The following NPEPPS variants were observed in gnomAD, a reference collection of about 807,000 sequenced individuals.
NPEPPS encodes puromycin-sensitive aminopeptidase.
Under a neutral mutation model 115.5 loss-of-function variants are expected in NPEPPS, and 14 were observed. That is an observed-to-expected ratio of 0.12 (90% CI 0.08 to 0.19). The LOEUF (loss-of-function observed/expected upper bound fraction) is 0.19. Ranked by LOEUF, NPEPPS falls within the 10% of genes least tolerant of loss-of-function variation. The pLI is 1.00. For missense variants in NPEPPS, 523 were observed against 1,110.8 expected, an observed-to-expected ratio of 0.47 and a Z score of 7.52; for synonymous variants, 285 against 390.6, an observed-to-expected ratio of 0.73 and a Z score of 3.19.
intron 2 of NPEPPS, among the ~76,000 whole-genome samples, chr17:47,552,712 T>C: frequency 6.6e-6 from 1 of 152,232 alleles, no homozygotes; most frequent in East Asian, 1.9e-4. Context: ...TTGCTGACTA[T>C]AGAGGGAACG....
At position 47,543,222 on chromosome 17, in the gene NPEPPS, A is replaced by G. The variant is rs762483781; in HGVS notation, c.256-2687A>G. ...ACAGTGGAAAAACTTAATGGCGCGC[A>G]CACACACACACACGAGAAAAGATGC... is the stretch of plus-strand genomic sequence containing the variant. On this transcript the variant is annotated intron_variant, in intron 1 of 22. Transcript: ENST00000322157. Among the ~76,000 whole-genome samples the G allele has an allele frequency of 5.2e-4, 79 of 150,972 alleles. No individual in the cohort carries two copies. The South Asian group carries it at 0.013, about 25-fold the overall frequency.
At chr17:47,556,251 C>T (rs1428978600) in intron 2 of NPEPPS, among the ~76,000 whole-genome samples, 1 of 151,378 alleles carries the variant, frequency 6.6e-6, no homozygotes, top group Non-Finnish European at 1.5e-5. Context: ...GTTTGTGTCC[C>T]TGGGTACTTG....
intron 19 of NPEPPS, among the ~76,000 whole-genome samples, chr17:47,617,876 ATT>A (rs67114322): frequency 3.3e-4 from 49 of 150,438 alleles, no homozygotes; most frequent in African/African-American, 1.2e-3. Context: ...CCAAAGCATC[ATT>A]TTTTTTTTCT....
chr17:47,552,580 G>T (rs1909727201), intron 2 of NPEPPS, among the ~76,000 whole-genome samples: 1 of 152,178 alleles, frequency 6.6e-6, no homozygotes. Context: ...AAGTATATGA[G>T]TGTAGAATAG....
intron 15 of NPEPPS, 106 bp downstream of exon 15, chr17:47,601,853 A>T (rs1162642984): frequency 8.3e-7 from 1 of 1,208,016 alleles, no homozygotes; most frequent in African/African-American, 1.5e-5. Flanking sequence ...AAAAAACCTA[A>T]ACTTTTCTTT....
intron 19 of NPEPPS, among the ~76,000 whole-genome samples, chr17:47,614,384 C>T (rs574978006): frequency 6.6e-6 from 1 of 152,250 alleles, no homozygotes; most frequent in Admixed American, 6.5e-5. Context: ...ACGTTTGTTT[C>T]TGTGCTTAGG....
chr17:47,613,875 T>C (rs758423815), intron 19 of NPEPPS, 150 bp downstream of exon 19: 58 of 587,068 alleles, frequency 9.9e-5, no homozygotes, highest in Non-Finnish European at 1.7e-4. Flanking sequence ...GAGAGAATTA[T>C]GTCTATCCAT....
At chr17:47,535,443 C>A (rs370024896) in intron 1 of NPEPPS, among the ~76,000 whole-genome samples, 45 of 148,246 alleles carry the variant, frequency 3.0e-4, no homozygotes, top group African/African-American at 1.1e-3. Context: ...CCCAGCTACT[C>A]GGGAGGCTGA....
intron 12 of NPEPPS, chr17:47,592,815 T>C (rs1912593394): frequency 3.0e-6 from 1 of 330,790 alleles, no homozygotes; most frequent in South Asian, 3.2e-5. Context: ...GTTTGTTACG[T>C]CAGTATACAT....
intron 3 of NPEPPS, among the ~76,000 whole-genome samples, chr17:47,578,078 G>A (rs900545406): frequency 1.8e-4 from 28 of 151,858 alleles, no homozygotes; most frequent in Non-Finnish European, 3.8e-4. Flanking sequence ...GGTGATGCCC[G>A]CCTGTAGTCC....
At chr17:47,562,782 TTG>T in intron 2 of NPEPPS, among the ~76,000 whole-genome samples, 1 of 118,572 alleles carries the variant, frequency 8.4e-6, no homozygotes, top group Non-Finnish European at 1.9e-5. Context: ...GTTTAGTTAA[TTG>T]TAAAAAAAAA....
rs1384822361 is a variant in NPEPPS at position 47,610,708 on chromosome 17, A to G, written c.2096-1752A>G. Among the ~76,000 whole-genome samples, 4 of 151,646 alleles carry G rather than the reference A, an allele frequency of 2.6e-5. No homozygotes were observed. The East Asian group carries it at 7.8e-4, about 30-fold the overall frequency. Reference sequence around the variant, plus strand: ...CCCGGCTCTCTTTTATAAGGGCACTATTCCCATTCATGAGGGCTCCAGTTT... The same window carrying G: ...CCCGGCTCTCTTTTATAAGGGCACTGTTCCCATTCATGAGGGCTCCAGTTT... On this transcript the variant is annotated intron_variant, in intron 17 of 22. Coordinates refer to ENST00000322157, the MANE Select transcript of NPEPPS (RefSeq NM_006310.4).
At chr17:47,543,483 ATTTTTTTTTTT>A (rs1244034572) in intron 1 of NPEPPS, among the ~76,000 whole-genome samples, 1 of 118,132 alleles carries the variant, frequency 8.5e-6, no homozygotes. Context: ...GGCCTGGCTA[ATTTTTTTTTTT>A]TTTTTTTTTT....
intron 13 of NPEPPS, among the ~76,000 whole-genome samples, chr17:47,599,435 T>C (rs551131966): frequency 1.8e-4 from 27 of 152,392 alleles, no homozygotes; most frequent in African/African-American, 5.5e-4. Flanking sequence ...TGACTGCATA[T>C]TGTTGAAGTA....
rs934935048 is a variant in NPEPPS at position 47,607,139 on chromosome 17, C to A, written c.2095+1587C>A. ...CCCAGGGGGCAGAGGCTGCAGTGAGCTGAGATCAGGCCACTGCACTCCAGC... is the reference window on the plus strand; with the variant it reads ...CCCAGGGGGCAGAGGCTGCAGTGAGATGAGATCAGGCCACTGCACTCCAGC... On this transcript the variant is annotated intron_variant, in intron 17 of 22. Transcript: ENST00000322157. 4.7e-4 allele frequency among the ~76,000 whole-genome samples: 71 copies of A among 152,002 alleles called. 1 individual carries two copies. Among genetic ancestry groups the A allele is most frequent in the African/African-American group, 1.6e-3 (66 of 41,360 alleles).
chr17:47,615,614 C>G (rs985469149), intron 19 of NPEPPS, among the ~76,000 whole-genome samples: 2 of 152,170 alleles, frequency 1.3e-5, no homozygotes, highest in African/African-American at 4.8e-5. Flanking sequence ...ACATTAAGGT[C>G]CCTTCTCAGT....
chr17:47,591,325 C>A (rs970615536), intron 10 of NPEPPS, among the ~76,000 whole-genome samples: 1 of 151,894 alleles, frequency 6.6e-6, no homozygotes, highest in African/African-American at 2.4e-5. Context: ...GAGCCGAGAT[C>A]GTGCCATTGC....
chr17:47,606,396 GTC>G (rs910999820), intron 17 of NPEPPS, among the ~76,000 whole-genome samples: 1 of 151,538 alleles, frequency 6.6e-6, no homozygotes, highest in Non-Finnish European at 1.5e-5. Flanking sequence ...CTCCTGACCA[GTC>G]TTGACCCAGA....
chr17:47,598,989 A>G (rs936110150), intron 13 of NPEPPS, among the ~76,000 whole-genome samples: 26 of 152,328 alleles, frequency 1.7e-4, no homozygotes, highest in South Asian at 4.1e-4. Context: ...CTGTCTCTAA[A>G]AAAACTAAAA....
Sources: gnomAD v4.1 joint callset for allele counts (sites outside exome capture counted in the v4.1 genomes callset) on GRCh38, gnomAD v4.1.1 for gene constraint, MANE v1.5 for transcripts, NCBI Gene and HGNC (gene_info 2026-07-23, HGNC 2026-07-21) for gene names.